ITPR3: variants seen among roughly 807,000 people sequenced by gnomAD.
The protein encoded by ITPR3 is inositol 1,4,5-trisphosphate receptor type 3.
ITPR3 carries 173 observed loss-of-function variants against 293.2 expected under a neutral mutation model. The ratio of observed to expected loss-of-function variants is 0.59; its 90% confidence interval spans 0.52 to 0.67. The LOEUF is 0.67. Among genes scored for constraint, ITPR3 ranks in the 30% least tolerant of loss-of-function variants. The pLI is 0.00. For missense variants in ITPR3, 2,796 were observed against 3,592.1 expected (o/e 0.78, Z 5.66); for synonymous variants, 1,295 against 1,444.4 (o/e 0.90, Z 2.35).
intron 55 of ITPR3, 22 bp from the exon 56 acceptor site, chr6:33,693,523 T>C (rs946586034): frequency 6.2e-7 from 1 of 1,612,444 alleles, no homozygotes; most frequent in Non-Finnish European, 8.5e-7. Flanking sequence ...GATGGTTTCA[T>C]TCCCGCCCTC....
In ITPR3 at chr6:33,682,993, G is replaced by A. The variant is rs942628106; in HGVS notation, c.4598-214G>A. On this transcript the variant is annotated intron_variant, in intron 34 of 57. Coordinates refer to ENST00000605930, the MANE Select transcript of ITPR3 (RefSeq NM_002224.4). This position sits in a 1 kb window ranked among gnomAD's most constrained non-coding sequence, Gnocchi z 5.4. ...AGGAAGGGGAAGTCAGGGTAGAGCC[G>A]GGGGGAATCAAAGAGGCAGAAACTC... is the stretch of plus-strand genomic sequence containing the variant. 1.3e-5 allele frequency among the ~76,000 whole-genome samples: 2 copies of A among 151,934 alleles called. No homozygotes were observed. The highest frequency in any genetic ancestry group is 2.9e-5 in the Non-Finnish European group (2 of 67,984).
Position 33,670,481 on chromosome 6 carries a change from G to A in ITPR3, c.2346G>A (p.Leu782=), listed in dbSNP as rs1446464450. The part of the protein sequence containing the change: ...DLRASFCHLM[L]HVHVDRDPQE... ...GCGCCTCCTTCTGCCACCTGATGCTGCACGTGCACGTGGACCGTGACCCCC... is the reference window on the plus strand; with the variant it reads ...GCGCCTCCTTCTGCCACCTGATGCTACACGTGCACGTGGACCGTGACCCCC... Residue 782 remains leucine (L), a synonymous_variant, in exon 19 of 58, where the codon CTG becomes CTA. Transcript: ENST00000605930. This position sits in a 1 kb window ranked among gnomAD's most constrained non-coding sequence, Gnocchi z 6.7. The A allele has an allele frequency of 6.2e-7, 1 of 1,613,988 alleles. No individual in the cohort carries two copies. Among genetic ancestry groups the A allele is most frequent in the Admixed American group, 1.7e-5 (1 of 60,018 alleles).
Position 33,670,911 on chromosome 6 carries a change from A to G in ITPR3, c.2586+96A>G. On this transcript the variant is annotated intron_variant, in intron 20 of 57. Transcript: ENST00000605930. The surrounding 1 kb of genome is among the most constrained non-coding windows in gnomAD (Gnocchi z 6.7). ...CACCCAGGAGTCGGCTGTGGGATCC[A>G]TGACCCCACTTCCTTCTGTGTCCCC... The G allele has an allele frequency of 6.8e-7, 1 of 1,461,836 alleles. No homozygotes were observed. Among genetic ancestry groups the G allele is most frequent in the Non-Finnish European group, 9.3e-7 (1 of 1,074,864 alleles). The allele number at this position is 1,461,836 out of a possible 1,614,324, so 90.6% of individuals were successfully genotyped here.
At chr6:33,690,298 G>T in intron 51 of ITPR3, 100 bp downstream of exon 51, 2 of 1,149,520 alleles carry the variant, frequency 1.7e-6, no homozygotes, top group Non-Finnish European at 2.5e-6. Flanking sequence ...TGTCTGTCCA[G>T]TCCTTTTGCT....
At chr6:33,695,241 C>A in intron 57 of ITPR3, 156 bp downstream of exon 57, 1 of 783,916 alleles carries the variant, frequency 1.3e-6, no homozygotes, top group East Asian at 2.7e-5. Context: ...CCCTGCATGG[C>A]AAGTCAGACT....
chr6:33,677,216 C>A, intron 27 of ITPR3, 127 bp downstream of exon 27: 1 of 887,788 alleles, frequency 1.1e-6, no homozygotes, highest in Non-Finnish European at 1.8e-6. Context: ...ATCTTTCAGC[C>A]TTTGCTGCAC....
At chr6:33,641,062 A>G (rs1297681497) in intron 2 of ITPR3, among the ~76,000 whole-genome samples, 1 of 152,222 alleles carries the variant, frequency 6.6e-6, no homozygotes, top group Non-Finnish European at 1.5e-5. Context: ...CTCTAATAAC[A>G]AAGCCCCTTG....
intron 9 of ITPR3, 119 bp from the exon 10 acceptor site, chr6:33,663,378 TGGG>T: frequency 2.1e-6 from 2 of 975,346 alleles, no homozygotes; most frequent in Non-Finnish European, 3.2e-6. Context: ...TGGGCACCCC[TGGG>T]AGGGTGCAGC....
chr6:33,679,795 C>T lies in ITPR3; in HGVS notation c.3973-87C>T. ...TCAGGTAAGGGCTGTGGTCAGAGTCCCAGTTTCTCCCTGGTAAGCAACGGA... is the reference window on the plus strand; with the variant it reads ...TCAGGTAAGGGCTGTGGTCAGAGTCTCAGTTTCTCCCTGGTAAGCAACGGA... On this transcript the variant is annotated intron_variant, in intron 30 of 57. Coordinates refer to ENST00000605930, the MANE Select transcript of ITPR3 (RefSeq NM_002224.4). This position sits in a 1 kb window ranked among gnomAD's most constrained non-coding sequence, Gnocchi z 4.2. 1 of 1,497,586 alleles carries T rather than the reference C, an allele frequency of 6.7e-7. No homozygotes were observed. Among genetic ancestry groups the T allele is most frequent in the Non-Finnish European group, 9.0e-7 (1 of 1,112,560 alleles). 92.8% of individuals were successfully genotyped at this position (1,497,586 alleles called of 1,614,324 possible). A position where few individuals can be genotyped will look rare whatever the true frequency, so the allele number is the denominator to read the frequency against.
chr6:33,690,915 A>T lies in ITPR3; in HGVS notation c.7033-2A>T. The T allele has an allele frequency of 6.2e-7, 1 of 1,613,510 alleles. No homozygotes were observed. Among genetic ancestry groups the T allele is most frequent in the South Asian group, 1.1e-5 (1 of 91,044 alleles). On this transcript the variant is annotated splice_acceptor_variant, in intron 51 of 57. Coordinates refer to ENST00000605930, the MANE Select transcript of ITPR3 (RefSeq NM_002224.4). LOFTEE classifies it high-confidence loss of function. The stretch of plus-strand genomic sequence containing the variant: ...CATCCCTATCTCAACCCCATCCTGC[A>T]GCTCTTTGACCTCATCTACCGCGAG...
chr6:33,657,995 G>C lies in ITPR3; in HGVS notation c.346G>C (p.Val116Leu). Residue 116 changes from valine to leucine, a missense_variant, in exon 4 of 58, where the codon GTG (valine) becomes CTG (leucine). Around this residue, in one of 8 missense-constraint regions of ITPR3, gnomAD observed 144 missense variants for 230.8 expected, o/e 0.62. Transcript: ENST00000605930. The stretch of plus-strand genomic sequence containing the variant: ...GAACAAGAAGGTGCATGGGGATGTC[G>C]TGAAGTATGGCAGTGTGATCCAGGT... ...TENKKVHGDVVKYGSVIQLLH... is the reference protein window; with the variant it reads ...TENKKVHGDVLKYGSVIQLLH... 1 of 1,613,660 alleles carries C rather than the reference G, an allele frequency of 6.2e-7. No homozygotes were observed. Among genetic ancestry groups the C allele is most frequent in the Non-Finnish European group, 8.5e-7 (1 of 1,179,714 alleles).
rs1763703849 is a variant in ITPR3, at chr6:33,632,383, A to G, written c.90-8101A>G. ...CTTGATAGTCACCTGCCCCACTTCT[A>G]TCTAGCTCCCTTCCTCCTCCTTATC... On this transcript the variant is annotated intron_variant, in intron 1 of 57. Transcript: ENST00000605930. This position sits in a 1 kb window ranked among gnomAD's most constrained non-coding sequence, Gnocchi z 4.1. Among the ~76,000 whole-genome samples the G allele has an allele frequency of 6.6e-6, 1 of 151,820 alleles. No homozygotes were observed. The highest frequency in any genetic ancestry group is 2.1e-4 in the South Asian group (1 of 4,828).
rs1426638941 is a variant in ITPR3, at chr6:33,673,725, G to A, written c.3058+5G>A. ...CCCCTGCCTTCGACTCTACCAGTAA[G>A]CCCCTGCCCTGCCTTCAGGCTGAGG... On this transcript the variant is annotated splice_donor_5th_base_variant and intron_variant, in intron 23 of 57. Coordinates refer to ENST00000605930, the MANE Select transcript of ITPR3 (RefSeq NM_002224.4). The A allele has an allele frequency of 1.2e-6, 2 of 1,613,990 alleles. No individual in the cohort carries two copies. The highest frequency in any genetic ancestry group is 1.7e-6 in the Non-Finnish European group (2 of 1,179,928).
At chr6:33,647,389 G>T (rs148995080) in intron 2 of ITPR3, among the ~76,000 whole-genome samples, 1 of 152,096 alleles carries the variant, frequency 6.6e-6, no homozygotes, top group Admixed American at 6.5e-5. Flanking sequence ...CTTAACCATC[G>T]TTAAGCATAC....
Position 33,658,638 on chromosome 6 carries a change from G to A in ITPR3, c.370-32G>A, listed in dbSNP as rs749396203. 1.7e-5 allele frequency: 27 copies of A among 1,610,380 alleles called. No individual in the cohort carries two copies. The highest frequency in any genetic ancestry group is 2.2e-5 in the Non-Finnish European group (26 of 1,177,500). On this transcript the variant is annotated intron_variant, in intron 4 of 57. Transcript: ENST00000605930. This position sits in a 1 kb window ranked among gnomAD's most constrained non-coding sequence, Gnocchi z 6.1. ...CCTAATGGGCCGACTCCTGTGGCGC[G>A]GTGACCTTCCCGCACCCCACCTGAC...
chr6:33,659,213 A>T, intron 6 of ITPR3, 94 bp downstream of exon 6: 1 of 1,230,414 alleles, frequency 8.1e-7, no homozygotes, highest in Non-Finnish European at 1.2e-6. Flanking sequence ...CTCTGCCTCC[A>T]GCCCCATCTG....
chr6:33,676,970 G>A (rs778203762), intron 26 of ITPR3, 38 bp downstream of exon 26: 1 of 1,613,982 alleles, frequency 6.2e-7, no homozygotes, highest in South Asian at 1.1e-5. Flanking sequence ...AGGCCTCCCT[G>A]TGAGGGCTGG....
chr6:33,681,871 T>A (rs67854583), intron 33 of ITPR3, among the ~76,000 whole-genome samples: 34,841 of 151,792 alleles, frequency 0.23, 4,287 homozygotes, highest in Middle Eastern at 0.29. Flanking sequence ...GGGGAGAGAC[T>A]TCTCAAAGTG....
Position 33,695,025 on chromosome 6 carries a change from C to G in ITPR3, c.7887C>G (p.Leu2629=). 6.2e-7 allele frequency: 1 copy of G among 1,614,100 alleles called. No homozygotes were observed. Among genetic ancestry groups the G allele is most frequent in the Non-Finnish European group, 8.5e-7 (1 of 1,180,030 alleles). Residue 2629 remains leucine, a synonymous_variant, in exon 57 of 58, where the codon CTC becomes CTG. Coordinates refer to ENST00000605930, the MANE Select transcript of ITPR3 (RefSeq NM_002224.4). ...QNEIRILQDK[L]NSTMKLVSHL... ...AGATTCGGATTCTCCAGGACAAGCT[C>G]AACTCCACCATGAAGCTGGTGTCCC...
Sources: gnomAD v4.1 joint callset for allele counts (sites outside exome capture counted in the v4.1 genomes callset) on GRCh38, gnomAD v4.1.1 for gene constraint, gnomAD v4.1.1 regional missense constraint, Gnocchi (gnomAD v3.1) non-coding constraint, MANE v1.5 for transcripts, NCBI Gene and HGNC (gene_info 2026-07-23, HGNC 2026-07-21) for gene names.